Variants in TRIQK observed in about 807,000 individuals in gnomAD.
The protein encoded by TRIQK is triple QxxK/R motif containing, also known as triple QxxK/R motif-containing protein.
A neutral mutation model predicts 10.8 loss-of-function variants in TRIQK; 10 were observed. That is an observed-to-expected ratio of 0.92 (90% CI 0.57 to 1.57). TRIQK has a LOEUF of 1.57. TRIQK is among the 40% of genes most tolerant of loss of function. The pLI, the probability that TRIQK is intolerant of heterozygous loss-of-function variation, is 0.00. For missense variants in TRIQK, 107 were observed against 97.7 expected, an observed-to-expected ratio of 1.09 and a Z score of -0.40; for synonymous variants, 33 against 33.7, an observed-to-expected ratio of 0.98 and a Z score of 0.07.
chr8:92,932,118 A>G (rs551745337), intron 2 of TRIQK, among the ~76,000 whole-genome samples: 10 of 151,942 alleles, frequency 6.6e-5, no homozygotes, highest in African/African-American at 2.4e-4. Context: ...CTACATTTCA[A>G]TTTCTTCTTT....
At chr8:92,953,097 T>G (rs1447726910) in intron 2 of TRIQK, among the ~76,000 whole-genome samples, 1 of 152,046 alleles carries the variant, frequency 6.6e-6, no homozygotes, top group Non-Finnish European at 1.5e-5. Flanking sequence ...CATAGTCTGA[T>G]TTAAATGCTG....
intron 2 of TRIQK, among the ~76,000 whole-genome samples, chr8:92,946,909 G>A (rs1811567600): frequency 1.3e-5 from 2 of 151,760 alleles, no homozygotes; most frequent in Non-Finnish European, 2.9e-5. Context: ...GCAGGCGCCT[G>A]CCACCACGCC....
intron 2 of TRIQK, among the ~76,000 whole-genome samples, chr8:92,951,891 C>T (rs1811931694): frequency 6.6e-6 from 1 of 152,010 alleles, no homozygotes; most frequent in African/African-American, 2.4e-5. Flanking sequence ...GAGGGGAAAA[C>T]ACTTGTGAAG....
intron 2 of TRIQK, among the ~76,000 whole-genome samples, chr8:92,946,840 G>A (rs977348133): frequency 1.1e-4 from 17 of 150,554 alleles, no homozygotes; most frequent in South Asian, 2.1e-4. Context: ...GGCTCACTGC[G>A]AGCTCCGCCT....
At chr8:92,953,446 T>C (rs1812009335) in intron 2 of TRIQK, 1 of 152,004 alleles carries the variant, frequency 6.6e-6, no homozygotes, top group African/African-American at 2.4e-5. Context: ...TAGATAGTGA[T>C]AAAAATTATA....
chr8:93,009,932 T>G (rs1482882162), intron 1 of TRIQK, among the ~76,000 whole-genome samples: 4 of 152,076 alleles, frequency 2.6e-5, no homozygotes, highest in Non-Finnish European at 5.9e-5. Flanking sequence ...TGGTATACTA[T>G]TCAGACATAA....
chr8:92,928,088 G>C (rs1382007547), intron 2 of TRIQK: 2 of 152,170 alleles, frequency 1.3e-5, no homozygotes, highest in African/African-American at 2.4e-5. Flanking sequence ...TAAAAAGATA[G>C]AGAGGGAAGG....
Position 92,996,093 on chromosome 8 carries a change from A to T in TRIQK, c.-181+21516T>A, listed in dbSNP as rs559157576. On this transcript the variant is annotated intron_variant, in intron 1 of 4. Transcript: ENST00000520686. The stretch of plus-strand genomic sequence containing the variant: ...TTAGAACCTCCCTGAGTGAGATTTT[A>T]TCAATGTAAATAAAATGATTTTTAC... 2.6e-5 allele frequency among the ~76,000 whole-genome samples: 4 copies of T among 152,204 alleles called. No individual in the cohort carries two copies. In the East Asian group the frequency reaches 5.8e-4, roughly 22 times the overall value.
chr8:92,949,556 G>A (rs1237834667), intron 2 of TRIQK, among the ~76,000 whole-genome samples: 1 of 149,170 alleles, frequency 6.7e-6, no homozygotes, highest in Non-Finnish European at 1.5e-5. Flanking sequence ...AGGAAGGAAG[G>A]AAGGAAAGGG....
chr8:92,908,447 A>G (rs1809395811), intron 3 of TRIQK, among the ~76,000 whole-genome samples: 1 of 152,132 alleles, frequency 6.6e-6, no homozygotes, highest in Admixed American at 6.6e-5. Context: ...TATTCTTTCA[A>G]TGAAAATACA....
intron 1 of TRIQK, among the ~76,000 whole-genome samples, chr8:92,981,677 C>T (rs145621555): frequency 1.6e-3 from 238 of 151,892 alleles, no homozygotes; most frequent in African/African-American, 5.6e-3. Context: ...CTAATATTAA[C>T]ATTGCTATAC....
intron 1 of TRIQK, among the ~76,000 whole-genome samples, chr8:92,989,722 C>T (rs183456573): frequency 9.9e-5 from 15 of 152,080 alleles, no homozygotes; most frequent in African/African-American, 3.6e-4. Context: ...AAATGTAATG[C>T]GTTTGAATCA....
chr8:92,988,132 T>G (rs1278841011), intron 1 of TRIQK, among the ~76,000 whole-genome samples: 2 of 146,666 alleles, frequency 1.4e-5, no homozygotes, highest in Non-Finnish European at 3.0e-5. Flanking sequence ...TGCCTCAGCC[T>G]CCTGAGTAGC....
At chr8:92,903,120 T>C (rs1246927851) in intron 3 of TRIQK, among the ~76,000 whole-genome samples, 2 of 152,042 alleles carry the variant, frequency 1.3e-5, no homozygotes, top group African/African-American at 2.4e-5. Flanking sequence ...TTCAATTTCT[T>C]ATTTTTAAAT....
At chr8:92,917,225 T>C (rs2130460674) in intron 2 of TRIQK, among the ~76,000 whole-genome samples, 1 of 152,204 alleles carries the variant, frequency 6.6e-6, no homozygotes, top group African/African-American at 2.4e-5. Context: ...TTGTTTTTGA[T>C]AACATTCATC....
intron 1 of TRIQK, among the ~76,000 whole-genome samples, chr8:92,993,137 C>G (rs574116926): frequency 6.6e-6 from 1 of 152,154 alleles, no homozygotes; most frequent in African/African-American, 2.4e-5. Flanking sequence ...ATTGGTAAGG[C>G]TCCAGGATCA....
chr8:92,945,509 C>A (rs1158281333), intron 2 of TRIQK, among the ~76,000 whole-genome samples: 1 of 152,172 alleles, frequency 6.6e-6, no homozygotes, highest in Non-Finnish European at 1.5e-5. Context: ...AAGATGTTGG[C>A]AGATAAATTA....
At chr8:92,958,566 A>G (rs1363913543) in intron 1 of TRIQK, among the ~76,000 whole-genome samples, 2 of 152,134 alleles carry the variant, frequency 1.3e-5, no homozygotes, top group South Asian at 2.1e-4. Flanking sequence ...CATTTATGGA[A>G]TAGAGATGGA....
chr8:92,975,103 T>A (rs1395444682), intron 1 of TRIQK, among the ~76,000 whole-genome samples: 1 of 152,184 alleles, frequency 6.6e-6, no homozygotes, highest in Non-Finnish European at 1.5e-5. Flanking sequence ...GATACCTGGT[T>A]GCTTAAGGTG....
Sources: allele counts gnomAD v4.1 joint callset (sites outside exome capture counted in the v4.1 genomes callset), GRCh38; gene constraint gnomAD v4.1.1; transcripts MANE v1.5; gene names NCBI Gene and HGNC (gene_info 2026-07-23, HGNC 2026-07-21).